The following PERM1 variants were observed in gnomAD, a reference collection of about 807,000 sequenced individuals.
PERM1 encodes the protein PGC-1 and ERR-induced regulator in muscle protein 1.
Under a neutral mutation model 44.1 loss-of-function variants are expected in PERM1, and 45 were observed. The ratio of observed to expected loss-of-function variants is 1.02; its 90% CI spans 0.80 to 1.31. The LOEUF is 1.31. PERM1 is among the 50% of genes most tolerant of loss of function. PERM1 has a pLI of 0.00. For missense variants in PERM1, 1,189 were observed against 1,106.9 expected (o/e 1.07, Z -1.05); for synonymous variants, 565 against 477.1 (o/e 1.18, Z -2.40).
exon 3 of PERM1, chr1:976,156 G>A: frequency 1.3e-6 from 2 of 1,545,456 alleles, no homozygotes; most frequent in Non-Finnish European, 1.7e-6. Flanking sequence ...GCATCTCCCT[G>A]GCCCGGGCCT....
chr1:980,606 G>A (rs1302088742), exon 1 of PERM1: 19 of 1,449,488 alleles, frequency 1.3e-5, no homozygotes, highest in Non-Finnish European at 1.6e-5. Context: ...GGGCCCTGCA[G>A]AAGCCTCTGC....
chr1:980,515 C>T, exon 1 of PERM1: 1 of 1,480,442 alleles, frequency 6.8e-7, no homozygotes, highest in South Asian at 1.4e-5. Flanking sequence ...GGCTCCAGGG[C>T]TATCGGGGGG....
At chr1:978,794 C>T (rs1167483910) in intron 1 of PERM1, 87 bp downstream of exon 2, 70 of 1,277,464 alleles carry the variant, frequency 5.5e-5, no homozygotes, top group Middle Eastern at 5.6e-4. Flanking sequence ...CCGGCCTGCC[C>T]GGCCCCTGCG....
exon 3 of PERM1, chr1:975,612 T>G (rs1237059127): frequency 6.5e-6 from 1 of 153,486 alleles, no homozygotes; most frequent in Non-Finnish European, 1.4e-5. Flanking sequence ...GGATCAAGAG[T>G]GATGGGCCTT....
exon 3 of PERM1, chr1:975,664 A>C: frequency 6.4e-6 from 1 of 155,618 alleles, no homozygotes. Flanking sequence ...GAGGCTGCCC[A>C]TCCCCTCTTT....
At chr1:978,978 G>A (rs536881591) in exon 1 of PERM1, 5 of 1,520,102 alleles carry the variant, frequency 3.3e-6, no homozygotes, top group South Asian at 1.2e-5. Flanking sequence ...GAGGCTCCAG[G>A]GCCTGCAGTG....
chr1:979,426 T>G (rs765037990), exon 1 of PERM1: 19 of 1,529,824 alleles, frequency 1.2e-5, no homozygotes, highest in Non-Finnish European at 1.7e-5. Flanking sequence ...GGGCCCCCCG[T>G]GGGCCCCAGT....
Position 979,655 on chromosome 1 carries a change from AGGCGAGGCCAGCGGCGTCGGCTCT to A in PERM1, c.1351_1374del (p.Arg451_Ala458del), listed in dbSNP as rs1444244870. On this transcript the variant is annotated inframe_deletion, in exon 1 of 3. Coordinates refer to ENST00000433179, the Ensembl canonical transcript of PERM1. ...GGCCCAGCTCTGCGGGTGGGAGGCC[AGGCGAGGCCAGCGGCGTCGGCTCT>A]GGGAACAGGTGTAGACACAAGCCCG... is the stretch of plus-strand genomic sequence containing the variant. 1.9e-6 allele frequency: 3 copies of A among 1,550,274 alleles called. No individual in the cohort carries two copies. In the South Asian group the frequency reaches 3.6e-5, roughly 18 times the overall value.
intron 1 of PERM1, among the ~76,000 whole-genome samples, 170 bp downstream of exon 2, chr1:978,711 G>A (rs768223246): frequency 6.6e-6 from 1 of 152,206 alleles, no homozygotes; most frequent in African/African-American, 2.4e-5. Context: ...GGACTGGGCC[G>A]CCCCATCTGG....
upstream of PERM1, chr1:982,060 C>T (rs1486437600): frequency 7.8e-7 from 1 of 1,288,458 alleles, no homozygotes; most frequent in South Asian, 1.2e-5. Context: ...CTGACCATGT[C>T]CTACCTGGGT....
intron 1 of PERM1, among the ~76,000 whole-genome samples, chr1:978,325 C>A (rs1204407368): frequency 6.6e-6 from 1 of 151,216 alleles, no homozygotes; most frequent in African/African-American, 2.4e-5. Flanking sequence ...ACACGTCTTC[C>A]CGAAACCCCT....
exon 3 of PERM1, chr1:976,018 G>A (rs1235711110): frequency 2.6e-5 from 19 of 735,084 alleles, no homozygotes; most frequent in Non-Finnish European, 3.8e-5. Context: ...TGGATCCTCA[G>A]GTGAGTCGGA....
chr1:980,643 A>G (rs1200865487), exon 1 of PERM1: 4 of 1,440,048 alleles, frequency 2.8e-6, no homozygotes, highest in South Asian at 1.5e-5. Context: ...ACGCCGGACC[A>G]GGGCAGGATG....
chr1:979,009 A>G, exon 1 of PERM1: 1 of 1,532,716 alleles, frequency 6.5e-7, no homozygotes, highest in Non-Finnish European at 8.8e-7. Flanking sequence ...AGCCGGCCCC[A>G]GCACGCCCTC....
chr1:981,952 G>A, upstream of PERM1: 1 of 891,996 alleles, frequency 1.1e-6, no homozygotes, highest in Non-Finnish European at 1.5e-6. Flanking sequence ...AGGGCATGGT[G>A]GCTTCCCACC....
At chr1:978,800 C>T (rs1301469883) in intron 1 of PERM1, 81 bp downstream of exon 2, 2 of 1,326,998 alleles carry the variant, frequency 1.5e-6, no homozygotes, top group Non-Finnish European at 2.0e-6. Flanking sequence ...TGCCCGGCCC[C>T]TGCGGCCCCC....
In PERM1 at chr1:976,237, TG is replaced by T. The variant is rs1557656449; in HGVS notation, c.2307del (p.Ile770SerfsTer74). On this transcript the variant is annotated frameshift_variant, in exon 3 of 3. Coordinates refer to ENST00000433179, the Ensembl canonical transcript of PERM1. LOFTEE classifies it high-confidence loss of function. ...CCCACCTGCCGGCGGAAGTAGCGGA[TG>T]GCAGAGATGGTGCCGACGTTGGCCA... 1 of 1,536,250 alleles carries T rather than the reference TG, an allele frequency of 6.5e-7. No individual in the cohort carries two copies.
chr1:979,029 C>T (rs1266837626), exon 1 of PERM1: 1 of 1,538,842 alleles, frequency 6.5e-7, no homozygotes, highest in East Asian at 2.5e-5. Context: ...CAAGCCTGTC[C>T]TCCCCGAAGA....
At chr1:981,199 A>AG, upstream of PERM1, 1 of 1,538,648 alleles carries the variant, frequency 6.5e-7, no homozygotes. Flanking sequence ...CAGCATCTCG[A>AG]GGGGAGGGCC....
Sources: allele counts gnomAD v4.1 joint callset (sites outside exome capture counted in the v4.1 genomes callset), GRCh38; gene constraint gnomAD v4.1.1; transcripts MANE v1.5; gene names NCBI Gene and HGNC (gene_info 2026-07-23, HGNC 2026-07-21).